Variants in VWA8 observed in about 807,000 individuals in gnomAD.
VWA8 encodes the protein von Willebrand factor A domain-containing protein 8.
Under a neutral mutation model 241.5 loss-of-function variants are expected in VWA8, and 221 were observed. The ratio of observed to expected loss-of-function variants is 0.91; its 90% CI spans 0.82 to 1.02. The LOEUF (loss-of-function observed/expected upper bound fraction) is 1.02. Ranked by LOEUF, VWA8 falls within the 50% of genes least tolerant of loss-of-function variation. The probability of loss-of-function intolerance (pLI) is 0.00; values close to 1 mark genes in which losing one functional copy is unlikely to be tolerated. For synonymous variants in VWA8, 852 were observed against 827.1 expected (o/e 1.03, Z -0.52); for missense variants, 2,322 against 2,328.7 (o/e 1.00, Z 0.06).
At position 41,568,386 on chromosome 13, in the gene VWA8, C is replaced by T. The variant is rs747090484; in HGVS notation, c.5610-81G>A. The T allele has an allele frequency of 1.4e-5, 16 of 1,111,798 alleles. No individual in the cohort carries two copies. In the East Asian group the frequency reaches 3.8e-4, roughly 26 times the overall value. The allele number at this position is 1,111,798 out of a possible 1,614,324, so 68.9% of individuals were successfully genotyped here. On this transcript the variant is annotated intron_variant, in intron 44 of 44. Coordinates refer to ENST00000379310, the MANE Select transcript of VWA8 (RefSeq NM_015058.2). Reference sequence around the variant, plus strand: ...CTCCTGCCCTGGCAAACCACAGCCCCCTAATGGTTTCTTAGGAAAGGAAGT... The same window carrying T: ...CTCCTGCCCTGGCAAACCACAGCCCTCTAATGGTTTCTTAGGAAAGGAAGT...
In VWA8 at chr13:41,568,280, G is replaced by A. The variant is rs576123636; in HGVS notation, c.5635C>T (p.Arg1879Trp). The change falls in exon 45 of 45, where the codon CGG (arginine) becomes TGG (tryptophan). Residue 1879 changes from arginine (R) to tryptophan (W), a missense_variant. Physicochemically the swap from Arg to Trp is moderately radical, Grantham distance 101. Coordinates refer to ENST00000379310, the MANE Select transcript of VWA8 (RefSeq NM_015058.2). ...TTGGTATCCATGGCAACGAAAGACCGACCAGCTGGTAAAGTTCTCTGAAGC... is the reference window on the plus strand; with the variant it reads ...TTGGTATCCATGGCAACGAAAGACCAACCAGCTGGTAAAGTTCTCTGAAGC... ...TRLQRTLPAGRSFVAMDTKDI... is the reference protein window; with the variant it reads ...TRLQRTLPAGWSFVAMDTKDI... 27 of 1,614,118 alleles carry A rather than the reference G, an allele frequency of 1.7e-5. No individual in the cohort carries two copies. In the East Asian group the frequency reaches 2.5e-4, roughly 15 times the overall value.
chr13:41,889,861 T>C (rs570718215), intron 5 of VWA8, among the ~76,000 whole-genome samples: 1 of 152,352 alleles, frequency 6.6e-6, no homozygotes, highest in South Asian at 2.1e-4. Context: ...TAAAAATGGT[T>C]AACACTAATG....
chr13:41,736,043 A>C (rs1413998669), intron 21 of VWA8, among the ~76,000 whole-genome samples: 1 of 152,166 alleles, frequency 6.6e-6, no homozygotes. Context: ...AATGTAAGCT[A>C]ATGAAAATTT....
chr13:41,797,816 T>G (rs1465253315), intron 17 of VWA8, among the ~76,000 whole-genome samples: 1 of 152,338 alleles, frequency 6.6e-6, no homozygotes, highest in East Asian at 1.9e-4. Context: ...GTGACTCTTG[T>G]AGCAACATAT....
chr13:41,676,440 A>G (rs1212290675), intron 35 of VWA8, among the ~76,000 whole-genome samples: 4 of 152,180 alleles, frequency 2.6e-5, no homozygotes, highest in Non-Finnish European at 5.9e-5. Context: ...TTCAACCGCC[A>G]AACATACTGA....
At chr13:41,952,755 T>A (rs545230754) in intron 1 of VWA8, among the ~76,000 whole-genome samples, 103 of 151,834 alleles carry the variant, frequency 6.8e-4, no homozygotes, top group South Asian at 3.1e-3. Context: ...ATTTTTTTTT[T>A]AAAAAAAGTA....
chr13:41,908,834 T>G (rs563647763), intron 3 of VWA8, among the ~76,000 whole-genome samples: 8 of 152,332 alleles, frequency 5.3e-5, no homozygotes, highest in Admixed American at 5.2e-4. Flanking sequence ...CAATAAGTTT[T>G]TACTAAACAT....
At chr13:41,766,332 A>C (rs1267760446) in intron 20 of VWA8, among the ~76,000 whole-genome samples, 1 of 152,212 alleles carries the variant, frequency 6.6e-6, no homozygotes, top group African/African-American at 2.4e-5. Flanking sequence ...GGAGAGAAAG[A>C]AAGAAATAGA....
chr13:41,639,272 G>GA (rs1248534523), intron 37 of VWA8, among the ~76,000 whole-genome samples: 2 of 151,342 alleles, frequency 1.3e-5, no homozygotes, highest in Non-Finnish European at 2.9e-5. Context: ...AGATAGATGT[G>GA]AAAAAAAAGT....
At chr13:41,868,660 C>A (rs1438411510) in intron 9 of VWA8, among the ~76,000 whole-genome samples, 183 bp from the exon 10 acceptor site, 3 of 151,746 alleles carry the variant, frequency 2.0e-5, no homozygotes, top group East Asian at 3.9e-4. Flanking sequence ...CCAAGGCGGG[C>A]GGATCAGAGG....
At chr13:41,767,979 T>C (rs2045790828) in intron 20 of VWA8, among the ~76,000 whole-genome samples, 1 of 152,238 alleles carries the variant, frequency 6.6e-6, no homozygotes, top group Admixed American at 6.5e-5. Flanking sequence ...ACAAACTAAA[T>C]TGGCAGAAAG....
At chr13:41,640,350 T>C (rs2044787604) in intron 37 of VWA8, among the ~76,000 whole-genome samples, 1 of 152,170 alleles carries the variant, frequency 6.6e-6, no homozygotes, top group Admixed American at 6.5e-5. Flanking sequence ...AAATAGCTCA[T>C]AGGCACCTCC....
chr13:41,912,289 G>T, intron 2 of VWA8, 121 bp from the exon 3 acceptor site: 1 of 729,470 alleles, frequency 1.4e-6, no homozygotes, highest in South Asian at 5.8e-5. Flanking sequence ...GTTTATCTGT[G>T]TATTTATAAA....
intron 2 of VWA8, among the ~76,000 whole-genome samples, chr13:41,923,885 G>A (rs186149547): frequency 1.3e-5 from 2 of 152,060 alleles, no homozygotes; most frequent in Admixed American, 1.3e-4. Flanking sequence ...CATCTGCAGG[G>A]GAAAGTCTTC....
chr13:41,853,157 G>C (rs1872591772), intron 12 of VWA8, among the ~76,000 whole-genome samples: 2 of 152,106 alleles, frequency 1.3e-5, no homozygotes, highest in African/African-American at 4.8e-5. Context: ...GCTTTAGCTA[G>C]GACTTTCAAT....
intron 23 of VWA8, among the ~76,000 whole-genome samples, chr13:41,728,582 C>CA (rs2045455989): frequency 6.6e-6 from 1 of 150,902 alleles, no homozygotes; most frequent in African/African-American, 2.4e-5. Context: ...CATAATGCCT[C>CA]ATAAGGGCAG....
chr13:41,824,420 T>C (rs1039792780), intron 14 of VWA8, among the ~76,000 whole-genome samples: 1 of 152,146 alleles, frequency 6.6e-6, no homozygotes, highest in African/African-American at 2.4e-5. Flanking sequence ...TTAAGAGGAA[T>C]AGCAGGTTTG....
intron 26 of VWA8, among the ~76,000 whole-genome samples, chr13:41,704,274 C>T (rs28583896): frequency 0.015 from 2,321 of 152,280 alleles, 27 homozygotes; most frequent in South Asian, 0.059. Flanking sequence ...GCATTACTGG[C>T]ATCCAGAAGC....
intron 12 of VWA8, among the ~76,000 whole-genome samples, chr13:41,841,784 CAAAAAAAAAAAAAAAAAAA>C (rs1166227706): frequency 9.0e-5 from 3 of 33,394 alleles, no homozygotes; most frequent in East Asian, 1.2e-3. Flanking sequence ...GACTCTGTCT[CAAAAAAAAAAAAAAAAAAA>C]AAAAAAAAAA....
Sources: gnomAD v4.1 joint callset for allele counts (sites outside exome capture counted in the v4.1 genomes callset) on GRCh38, gnomAD v4.1.1 for gene constraint, MANE v1.5 for transcripts, NCBI Gene and HGNC (gene_info 2026-07-23, HGNC 2026-07-21) for gene names.